Variants in LRRTM4 observed in about 807,000 individuals in gnomAD.
LRRTM4 encodes the protein leucine-rich repeat transmembrane neuronal protein 4.
LRRTM4 carries 25 observed loss-of-function variants against 47.6 expected under a neutral mutation model. The observed-to-expected ratio is 0.53, with a 90% confidence interval of 0.38 to 0.73. The LOEUF (loss-of-function observed/expected upper bound fraction) is 0.73. Ranked by LOEUF, LRRTM4 falls within the 30% of genes least tolerant of loss-of-function variation. LRRTM4 has a pLI of 0.00. For synonymous variants in LRRTM4, 311 were observed against 269.5 expected (o/e 1.15, Z -1.51); for missense variants, 638 against 713.4 (o/e 0.89, Z 1.20).
At chr2:76,944,472 A>T (rs1675256899) in intron 3 of LRRTM4, among the ~76,000 whole-genome samples, 1 of 152,098 alleles carries the variant, frequency 6.6e-6, no homozygotes, top group Non-Finnish European at 1.5e-5. Flanking sequence ...GTTTCCAGTG[A>T]TTTCTCCAGT....
At chr2:76,790,796 CTG>C (rs1674933204) in intron 3 of LRRTM4, among the ~76,000 whole-genome samples, 1 of 151,828 alleles carries the variant, frequency 6.6e-6, no homozygotes, top group Non-Finnish European at 1.5e-5. Flanking sequence ...TATAATTTCA[CTG>C]TTTCTGCCAT....
chr2:76,841,139 G>A (rs916385156), intron 3 of LRRTM4, among the ~76,000 whole-genome samples: 1 of 151,174 alleles, frequency 6.6e-6, no homozygotes, highest in African/African-American at 2.5e-5. Context: ...CATGGATGAA[G>A]CTGGAAACCA....
At chr2:76,807,443 T>TATATATACATATATATAC (rs1340328428) in intron 3 of LRRTM4, among the ~76,000 whole-genome samples, 1 of 99,506 alleles carries the variant, frequency 1.0e-5, no homozygotes, top group Non-Finnish European at 1.8e-5. Flanking sequence ...TATACGTATA[T>TATATATACATATATATAC]ACATATATAT....
intron 3 of LRRTM4, among the ~76,000 whole-genome samples, chr2:77,015,620 G>A (rs553602056): frequency 8.6e-5 from 13 of 151,596 alleles, no homozygotes; most frequent in South Asian, 2.1e-4. Flanking sequence ...CACCATGCCC[G>A]GCGGAAGTTT....
chr2:76,749,151 G>T (rs1034949906), intron 3 of LRRTM4, among the ~76,000 whole-genome samples: 6 of 152,004 alleles, frequency 3.9e-5, no homozygotes, highest in Non-Finnish European at 7.4e-5. Flanking sequence ...ACTTTTCATT[G>T]CTCTAGCTAG....
chr2:77,462,235 C>T (rs1026803128), intron 3 of LRRTM4, among the ~76,000 whole-genome samples: 9 of 151,958 alleles, frequency 5.9e-5, no homozygotes, highest in African/African-American at 2.2e-4. Flanking sequence ...GAAGTATTCA[C>T]GATTTCATTT....
At chr2:77,521,902 A>C in intron 1 of LRRTM4, 84 bp from the exon 2 acceptor site, 1 of 355,812 alleles carries the variant, frequency 2.8e-6, no homozygotes, top group Non-Finnish European at 4.9e-6. Context: ...AAATCAGCAC[A>C]GGGTGGGATG....
At chr2:77,206,730 TA>T (rs1207000143) in intron 3 of LRRTM4, among the ~76,000 whole-genome samples, 2 of 152,012 alleles carry the variant, frequency 1.3e-5, no homozygotes, top group African/African-American at 4.8e-5. Context: ...GTAATCCATC[TA>T]CTTTGGCCTC....
intron 3 of LRRTM4, among the ~76,000 whole-genome samples, chr2:77,124,540 C>G: frequency 1.3e-5 from 2 of 152,060 alleles, no homozygotes; most frequent in East Asian, 3.9e-4. Context: ...AAGTTTTCAA[C>G]AAGGTAAGGT....
At chr2:77,304,402 T>C (rs290042) in intron 3 of LRRTM4, among the ~76,000 whole-genome samples, 3 of 151,874 alleles carry the variant, frequency 2.0e-5, no homozygotes, top group African/African-American at 7.3e-5. Context: ...GAGAAGTGAA[T>C]GCCAAGTTCC....
At chr2:76,859,629 C>A (rs1672255339) in intron 3 of LRRTM4, among the ~76,000 whole-genome samples, 3 of 152,042 alleles carry the variant, frequency 2.0e-5, no homozygotes, top group Admixed American at 2.0e-4. Flanking sequence ...TAAAAAGTTA[C>A]ATAAAAGTTT....
chr2:77,358,766 GA>G, intron 3 of LRRTM4, among the ~76,000 whole-genome samples: 1 of 152,142 alleles, frequency 6.6e-6, no homozygotes, highest in Non-Finnish European at 1.5e-5. Flanking sequence ...TTAAAACTTT[GA>G]AATTGTTGCC....
intron 3 of LRRTM4, among the ~76,000 whole-genome samples, chr2:77,409,752 G>C (rs1200037028): frequency 6.6e-6 from 1 of 152,056 alleles, no homozygotes; most frequent in Non-Finnish European, 1.5e-5. Context: ...TAGTTTTACT[G>C]GCCTTAAGTT....
At chr2:77,050,192 T>C (rs1679384467) in intron 3 of LRRTM4, among the ~76,000 whole-genome samples, 1 of 151,378 alleles carries the variant, frequency 6.6e-6, no homozygotes, top group Non-Finnish European at 1.5e-5. Flanking sequence ...GGGAATTTTA[T>C]GTAAAAATCT....
chr2:77,272,248 T>G (rs1676220697), intron 3 of LRRTM4, among the ~76,000 whole-genome samples: 1 of 152,188 alleles, frequency 6.6e-6, no homozygotes, highest in Non-Finnish European at 1.5e-5. Context: ...ATTGAGCCAT[T>G]TTTTAGTGGA....
At chr2:77,118,532 C>T (rs959043959) in intron 3 of LRRTM4, among the ~76,000 whole-genome samples, 2 of 151,798 alleles carry the variant, frequency 1.3e-5, no homozygotes, top group Admixed American at 6.6e-5. Context: ...TGCAACAGTG[C>T]TGAGGTATCA....
intron 3 of LRRTM4, among the ~76,000 whole-genome samples, chr2:77,101,124 T>A (rs899899258): frequency 3.3e-5 from 5 of 152,092 alleles, no homozygotes; most frequent in Non-Finnish European, 7.4e-5. Context: ...CTGACTTTTT[T>A]AGTTAATCTT....
At chr2:77,375,083 C>A (rs1242146875) in intron 3 of LRRTM4, among the ~76,000 whole-genome samples, 3 of 151,582 alleles carry the variant, frequency 2.0e-5, no homozygotes, top group Admixed American at 1.3e-4. Flanking sequence ...CTCTTTTCTT[C>A]TTTCTTGCCT....
chr2:77,497,920 T>C (rs1176673521), intron 3 of LRRTM4, among the ~76,000 whole-genome samples: 1 of 151,656 alleles, frequency 6.6e-6, no homozygotes, highest in Non-Finnish European at 1.5e-5. Context: ...TCCTATACTA[T>C]GTGATGTTGT....
Sources: allele counts gnomAD v4.1 joint callset (sites outside exome capture counted in the v4.1 genomes callset), GRCh38; gene constraint gnomAD v4.1.1; transcripts MANE v1.5; gene names NCBI Gene and HGNC (gene_info 2026-07-23, HGNC 2026-07-21).